UNC79: variants seen among roughly 807,000 people sequenced by gnomAD.
The protein encoded by UNC79 is protein unc-79 homolog.
A neutral mutation model predicts 283.1 loss-of-function variants in UNC79; 37 were observed. The observed-to-expected ratio is 0.13, with a 90% CI of 0.10 to 0.17. The LOEUF (loss-of-function observed/expected upper bound fraction) is 0.17, where lower values mean the gene tolerates loss of function less well. UNC79 is among the 10% of genes least tolerant of loss of function. The probability of loss-of-function intolerance (pLI) is 1.00; values close to 1 mark genes in which losing one functional copy is unlikely to be tolerated. For synonymous variants in UNC79, 1,107 were observed against 1,200.2 expected, an observed-to-expected ratio of 0.92 and a Z score of 1.61; for missense variants, 2,272 against 3,211.1, an observed-to-expected ratio of 0.71 and a Z score of 7.07.
chr14:93,619,187 C>T (rs1455163940), intron 29 of UNC79, among the ~76,000 whole-genome samples: 7 of 152,200 alleles, frequency 4.6e-5, no homozygotes, highest in African/African-American at 1.4e-4. Context: ...AGTTTGGCTA[C>T]AGACGGAACT....
At chr14:93,359,079 T>A (rs1050123364) in intron 1 of UNC79, among the ~76,000 whole-genome samples, 5 of 152,238 alleles carry the variant, frequency 3.3e-5, no homozygotes, top group Non-Finnish European at 7.3e-5. Flanking sequence ...TCAGGCTGAA[T>A]TTATTGATTT....
At chr14:93,670,701 C>G (rs1300054316) in intron 40 of UNC79, among the ~76,000 whole-genome samples, 1 of 152,142 alleles carries the variant, frequency 6.6e-6, no homozygotes, top group Non-Finnish European at 1.5e-5. Context: ...TCAATCCAGC[C>G]ATCAACCCTT....
intron 14 of UNC79, among the ~76,000 whole-genome samples, chr14:93,552,413 G>A (rs1290149591): frequency 6.6e-6 from 1 of 152,024 alleles, no homozygotes; most frequent in African/African-American, 2.4e-5. Flanking sequence ...CAGGGCCTTA[G>A]GAAAAAGGTA....
intron 1 of UNC79, chr14:93,347,382 C>T (rs1032373852): frequency 5.0e-5 from 78 of 1,549,302 alleles, no homozygotes; most frequent in African/African-American, 9.6e-5. Flanking sequence ...GCCAGCGGCC[C>T]CTGTCTGCCG....
chr14:93,612,778 G>A lies in UNC79; in HGVS notation c.3755-19G>A. ...CTTGTGAGTGAGCCACCCACTGACAGCCTTTCTTCTACTGACAGGACAACA... is the reference window on the plus strand; with the variant it reads ...CTTGTGAGTGAGCCACCCACTGACAACCTTTCTTCTACTGACAGGACAACA... On this transcript the variant is annotated intron_variant, in intron 26 of 48. Coordinates refer to ENST00000555664, the Ensembl canonical transcript of UNC79. 1 of 1,605,714 alleles carries A rather than the reference G, an allele frequency of 6.2e-7. No individual in the cohort carries two copies. The highest frequency in any genetic ancestry group is 2.2e-5 in the East Asian group (1 of 44,638).
chr14:93,604,451 G>A (rs1251071088), intron 26 of UNC79, among the ~76,000 whole-genome samples: 2 of 152,116 alleles, frequency 1.3e-5, no homozygotes, highest in African/African-American at 4.8e-5. Flanking sequence ...AGTTCTTTAA[G>A]TAATCAATAA....
At chr14:93,369,965 CT>C (rs1158926801) in intron 1 of UNC79, among the ~76,000 whole-genome samples, 1 of 152,108 alleles carries the variant, frequency 6.6e-6, no homozygotes. Flanking sequence ...TCCTGTCCCA[CT>C]TAAGAGGGGT....
At chr14:93,473,441 A>G (rs1168221739) in intron 2 of UNC79, among the ~76,000 whole-genome samples, 1 of 152,238 alleles carries the variant, frequency 6.6e-6, no homozygotes, top group Admixed American at 6.5e-5. Flanking sequence ...AACATTTTAG[A>G]AATATGTATT....
intron 1 of UNC79, among the ~76,000 whole-genome samples, chr14:93,396,775 GTA>G (rs1320473000): frequency 2.1e-5 from 3 of 143,762 alleles, no homozygotes; most frequent in African/African-American, 8.0e-5. Flanking sequence ...GCATGTGTGT[GTA>G]TGTGTGTGTG....
At chr14:93,439,443 C>G (rs1364491038) in intron 1 of UNC79, among the ~76,000 whole-genome samples, 6 of 151,842 alleles carry the variant, frequency 4.0e-5, no homozygotes, top group Admixed American at 1.3e-4. Flanking sequence ...CTATGGAGAC[C>G]ATATTGCTTC....
upstream of UNC79, among the ~76,000 whole-genome samples, chr14:93,428,032 C>T (rs2055769486): frequency 6.6e-6 from 1 of 151,868 alleles, no homozygotes; most frequent in African/African-American, 2.4e-5. Flanking sequence ...GAGGGAATTT[C>T]AAAAAGAAAT....
intron 2 of UNC79, among the ~76,000 whole-genome samples, chr14:93,468,426 G>T: frequency 6.6e-6 from 1 of 152,178 alleles, no homozygotes; most frequent in East Asian, 1.9e-4. Context: ...AGGCTCAGTT[G>T]TTTTCAGAAA....
intron 1 of UNC79, chr14:93,335,144 G>A (rs916493613): frequency 1.3e-5 from 2 of 152,318 alleles, no homozygotes; most frequent in Non-Finnish European, 2.9e-5. Context: ...AAGGTCTGCT[G>A]GTTGCACCTT....
chr14:93,492,843 G>T (rs1232471050), intron 5 of UNC79, among the ~76,000 whole-genome samples: 1 of 152,174 alleles, frequency 6.6e-6, no homozygotes, highest in African/African-American at 2.4e-5. Flanking sequence ...AGAATTCAGT[G>T]ATGGCTTAAG....
intron 11 of UNC79, 106 bp from the exon 12 acceptor site, chr14:93,537,883 A>G (rs2061166625): frequency 9.2e-7 from 1 of 1,083,254 alleles, no homozygotes; most frequent in Admixed American, 2.8e-5. Context: ...TGGCCCTTGA[A>G]TGTGTTGTCA....
chr14:93,495,110 T>G (rs2058956196), intron 5 of UNC79, among the ~76,000 whole-genome samples: 1 of 152,208 alleles, frequency 6.6e-6, no homozygotes, highest in Non-Finnish European at 1.5e-5. Flanking sequence ...CATCTCTAGC[T>G]GCAAGGGGCT....
intron 23 of UNC79, 43 bp downstream of exon 23, chr14:93,593,880 A>G: frequency 6.5e-7 from 1 of 1,533,100 alleles, no homozygotes; most frequent in Non-Finnish European, 8.8e-7. Flanking sequence ...GTCACACAGT[A>G]CACGGGTGTC....
intron 7 of UNC79, among the ~76,000 whole-genome samples, chr14:93,507,161 G>A (rs1166142349): frequency 6.6e-6 from 1 of 151,924 alleles, no homozygotes; most frequent in Non-Finnish European, 1.5e-5. Context: ...TGTATATTTG[G>A]GTTGTTTTCA....
chr14:93,351,285 A>G (rs1044306810), intron 1 of UNC79, among the ~76,000 whole-genome samples: 1 of 152,234 alleles, frequency 6.6e-6, no homozygotes, highest in Non-Finnish European at 1.5e-5. Context: ...TAAGGTATTT[A>G]TATTCATATA....
Sources: allele counts gnomAD v4.1 joint callset (sites outside exome capture counted in the v4.1 genomes callset), GRCh38; gene constraint gnomAD v4.1.1; transcripts MANE v1.5; gene names NCBI Gene and HGNC (gene_info 2026-07-23, HGNC 2026-07-21).